The following DMRTB1 variants were observed in gnomAD, a reference collection of about 807,000 sequenced individuals.
DMRTB1 encodes the protein doublesex- and mab-3-related transcription factor B1.
In DMRTB1, 9 loss-of-function variants were observed where a neutral mutation model predicts 25.2. That is an observed-to-expected ratio of 0.36 (90% CI 0.22 to 0.62). DMRTB1 has a LOEUF of 0.62. Among genes scored for constraint, DMRTB1 ranks in the 20% least tolerant of loss-of-function variants. The pLI, the probability that DMRTB1 is intolerant of heterozygous loss-of-function variation, is 0.71. For synonymous variants in DMRTB1, 269 were observed against 238.1 expected (o/e 1.13, Z -1.20); for missense variants, 551 against 499.3 (o/e 1.10, Z -0.99).
Position 53,459,699 on chromosome 1 carries a change from C to G in DMRTB1, c.246C>G (p.Ala82=). 1 of 1,474,164 alleles carries G rather than the reference C, an allele frequency of 6.8e-7. No individual in the cohort carries two copies. Among genetic ancestry groups the G allele is most frequent in the African/African-American group, 1.5e-5 (1 of 68,026 alleles). 91.3% of individuals were successfully genotyped at this position (1,474,164 alleles called of 1,614,324 possible). ...QGPKQASGAA[A]AAPAPVPVPA... ...CCAAGCAGGCCTCCGGGGCTGCGGC[C>G]GCCGCCCCCGCCCCCGTCCCCGTCC... The change falls in exon 1 of 4, where the codon GCC becomes GCG. Residue 82 remains alanine (A), a synonymous_variant. Coordinates refer to ENST00000371445, the MANE Select transcript of DMRTB1 (RefSeq NM_033067.3).
chr1:53,461,083 C>T (rs1644019533), intron 1 of DMRTB1, among the ~76,000 whole-genome samples: 2 of 152,198 alleles, frequency 1.3e-5, no homozygotes, highest in African/African-American at 4.8e-5. Flanking sequence ...AGGACCTTGT[C>T]CTTGTGGGAG....
In DMRTB1 at chr1:53,464,623, T is replaced by C; in HGVS notation, c.751-14T>C. On this transcript the variant is annotated splice_polypyrimidine_tract_variant and intron_variant, in intron 2 of 3. Transcript: ENST00000371445. ...CTCTCTCCTCTCCGCCTCTCTGCTG[T>C]GTGTGCCGTGCAGGTGTCAGAACCA... is the stretch of plus-strand genomic sequence containing the variant. 1 of 1,613,014 alleles carries C rather than the reference T, an allele frequency of 6.2e-7. No individual in the cohort carries two copies.
Position 53,459,717 on chromosome 1 carries a change from C to T in DMRTB1, c.264C>T (p.Val88=), listed in dbSNP as rs748254618. ...CTGCGGCCGCCGCCCCCGCCCCCGTCCCCGTCCCGGCCGCGAGCCTCCGCC... is the reference window on the plus strand; with the variant it reads ...CTGCGGCCGCCGCCCCCGCCCCCGTTCCCGTCCCGGCCGCGAGCCTCCGCC... The part of the protein sequence containing the change: ...SGAAAAAPAP[V]PVPAASLRPL... The change falls in exon 1 of 4, where the codon GTC becomes GTT. Residue 88 remains valine (V), a synonymous_variant. Coordinates refer to ENST00000371445, the MANE Select transcript of DMRTB1 (RefSeq NM_033067.3). 2.9e-5 allele frequency: 40 copies of T among 1,399,744 alleles called. No homozygotes were observed. The highest frequency in any genetic ancestry group is 1.8e-4 in the Admixed American group (5 of 27,138). 86.7% of individuals were successfully genotyped at this position (1,399,744 alleles called of 1,614,324 possible). A position where few individuals can be genotyped will look rare whatever the true frequency, so the allele number is the denominator to read the frequency against.
Position 53,464,816 on chromosome 1 carries a change from C to G in DMRTB1, c.930C>G (p.Thr310=). The part of the protein sequence containing the change: ...PPPPPSSFSL[T]VLFDTDKENT... ...CACCTCCATCATCTTTCTCACTGAC[C>G]GTCCTGTTTGATACTGACAAGGAGA... The change falls in exon 3 of 4, where the codon ACC becomes ACG. Residue 310 remains threonine, a synonymous_variant. Transcript: ENST00000371445. 1 of 1,613,994 alleles carries G rather than the reference C, an allele frequency of 6.2e-7. No individual in the cohort carries two copies. Among genetic ancestry groups the G allele is most frequent in the Non-Finnish European group, 8.5e-7 (1 of 1,180,022 alleles).
rs753403721 is a variant in DMRTB1, at chr1:53,459,965, A to T, written c.512A>T (p.Tyr171Phe). The T allele has an allele frequency of 6.3e-7, 1 of 1,579,974 alleles. No individual in the cohort carries two copies. The highest frequency in any genetic ancestry group is 1.7e-5 in the Admixed American group (1 of 58,912). ...GGGGCGGAGGCCGCAGGCAGTGGCT[A>T]CCCTGGCCCCCTAGACCTGCGCAGG... is the stretch of plus-strand genomic sequence containing the variant. ...PFGAEAAGSG[Y>F]PGPLDLRRPM... Residue 171 changes from tyrosine to phenylalanine, a missense_variant, in exon 1 of 4, where the codon TAC (tyrosine) becomes TTC (phenylalanine). Coordinates refer to ENST00000371445, the MANE Select transcript of DMRTB1 (RefSeq NM_033067.3).
Position 53,459,813 on chromosome 1 carries a change from C to G in DMRTB1, c.360C>G (p.Phe120Leu), listed in dbSNP as rs1644008322. Residue 120 changes from phenylalanine to leucine, a missense_variant, in exon 1 of 4, where the codon TTC (phenylalanine) becomes TTG (leucine). Transcript: ENST00000371445. ...AGGGCCGCGCGGCCGCTTGCTTCTT[C>G]GAGCAGCCCCCGCGGGGCCGGAACC... ...GPEGRAAACF[F>L]EQPPRGRNPG... is the part of the protein sequence containing the mutation. 6.9e-7 allele frequency: 1 copy of G among 1,439,610 alleles called. No homozygotes were observed. Among genetic ancestry groups the G allele is most frequent in the South Asian group, 1.3e-5 (1 of 74,768 alleles). The allele number at this position is 1,439,610 out of a possible 1,614,324, so 89.2% of individuals were successfully genotyped here. A position where few individuals can be genotyped will look rare whatever the true frequency, so the allele number is the denominator to read the frequency against.
In DMRTB1 at chr1:53,459,955, G is replaced by A. The variant is rs1413737926; in HGVS notation, c.502G>A (p.Gly168Ser). The A allele has an allele frequency of 3.2e-6, 5 of 1,575,488 alleles. No homozygotes were observed. The highest frequency in any genetic ancestry group is 3.4e-6 in the Non-Finnish European group (4 of 1,170,218). Reference sequence around the variant, plus strand: ...ACCCCCTTTTGGGGCGGAGGCCGCAGGCAGTGGCTACCCTGGCCCCCTAGA... The same window carrying A: ...ACCCCCTTTTGGGGCGGAGGCCGCAAGCAGTGGCTACCCTGGCCCCCTAGA... ...AGPPFGAEAAGSGYPGPLDLR... is the reference protein window; with the variant it reads ...AGPPFGAEAASSGYPGPLDLR... The change falls in exon 1 of 4, where the codon GGC (glycine) becomes AGC (serine). Residue 168 changes from glycine to serine, a missense_variant. By Grantham distance (56) the Gly-to-Ser change is moderately conservative. Transcript: ENST00000371445.
At chr1:53,461,389 C>T in intron 1 of DMRTB1, 84 bp from the exon 2 acceptor site, 2 of 1,413,046 alleles carry the variant, frequency 1.4e-6, no homozygotes, top group Non-Finnish European at 1.9e-6. Flanking sequence ...GACGGCAGCG[C>T]TGATGACCCC....
At chr1:53,461,751 C>A in intron 2 of DMRTB1, 106 bp downstream of exon 2, 1 of 1,344,686 alleles carries the variant, frequency 7.4e-7, no homozygotes, top group Non-Finnish European at 9.8e-7. Flanking sequence ...ACTGTGCCCA[C>A]GCCATGCCAG....
At position 53,467,317 on chromosome 1, in the gene DMRTB1, T is replaced by C. The variant is rs1473764205; in HGVS notation, c.*655T>C. 2.0e-5 allele frequency: 3 copies of C among 152,740 alleles called. No homozygotes were observed. The highest frequency in any genetic ancestry group is 4.4e-5 in the Non-Finnish European group (3 of 68,148). The allele number at this position is 152,740 out of a possible 1,614,324, so 9.5% of individuals were successfully genotyped here. A position where few individuals can be genotyped will look rare whatever the true frequency, so the allele number is the denominator to read the frequency against. ...TTATGGGCACTGGTTTTAAAAAATT[T>C]ATTAGTTTGACTATTTGATGTTTTT... On this transcript the variant is annotated 3_prime_UTR_variant, in exon 4 of 4. Transcript: ENST00000371445.
intron 2 of DMRTB1, among the ~76,000 whole-genome samples, chr1:53,463,631 T>C (rs1644034790): frequency 1.3e-5 from 2 of 152,184 alleles, no homozygotes; most frequent in Non-Finnish European, 2.9e-5. Context: ...CTAAGGAGAT[T>C]TTTGCAGACT....
chr1:53,462,189 T>A (rs1303729835), intron 2 of DMRTB1, among the ~76,000 whole-genome samples: 1 of 152,190 alleles, frequency 6.6e-6, no homozygotes, highest in Non-Finnish European at 1.5e-5. Context: ...TTTTATAAGA[T>A]TAATAAAGGT....
rs765171732 is a variant in DMRTB1 at position 53,459,433 on chromosome 1, T to C, written c.-21T>C. 6.2e-7 allele frequency: 1 copy of C among 1,612,824 alleles called. No individual in the cohort carries two copies. The highest frequency in any genetic ancestry group is 8.5e-7 in the Non-Finnish European group (1 of 1,179,932). ...GCAGCTCCCAGAGGTGGTGGTTGTG[T>C]TACGAAGGCTGACCCTGCCAATGGC... is the stretch of plus-strand genomic sequence containing the variant. On this transcript the variant is annotated 5_prime_UTR_variant, in exon 1 of 4. Coordinates refer to ENST00000371445, the MANE Select transcript of DMRTB1 (RefSeq NM_033067.3).
At chr1:53,463,655 A>G (rs1340980836) in intron 2 of DMRTB1, among the ~76,000 whole-genome samples, 1 of 152,192 alleles carries the variant, frequency 6.6e-6, no homozygotes, top group Non-Finnish European at 1.5e-5. Flanking sequence ...CCAAGCCTTT[A>G]ATATGCTCAT....
chr1:53,463,440 CCTCA>C (rs1452488986), intron 2 of DMRTB1, among the ~76,000 whole-genome samples: 1 of 152,194 alleles, frequency 6.6e-6, no homozygotes, highest in East Asian at 1.9e-4. Flanking sequence ...CCTCTGAGGA[CCTCA>C]CTCGGGTCTT....
Position 53,459,992 on chromosome 1 carries a change from C to T in DMRTB1, c.539C>T (p.Pro180Leu), listed in dbSNP as rs1644010193. Residue 180 changes from proline (P) to leucine (L), a missense_variant, in exon 1 of 4, where the codon CCG (proline) becomes CTG (leucine). Transcript: ENST00000371445. ...GYPGPLDLRR[P>L]MRTVPGPLFT... is the part of the protein sequence containing the mutation. ...CCTGGCCCCCTAGACCTGCGCAGGC[C>T]GATGCGGACCGTGCCCGGCCCACTG... The T allele has an allele frequency of 2.5e-6, 4 of 1,585,110 alleles. No homozygotes were observed. The highest frequency in any genetic ancestry group is 2.3e-5 in the East Asian group (1 of 43,616).
Position 53,464,686 on chromosome 1 carries a change from C to G in DMRTB1, c.800C>G (p.Pro267Arg). ...DFQPSYYLPP[P>R]PPPLPPLPPL... is the part of the protein sequence containing the mutation. ...CAGCCAAGCTACTACCTGCCGCCGC[C>G]GCCGCCGCCACTGCCGCCCCTTCCA... The change falls in exon 3 of 4, where the codon CCG becomes CGG. Residue 267 changes from proline (P) to arginine (R), a missense_variant. Pro to Arg is a moderately radical substitution (Grantham distance 103). Coordinates refer to ENST00000371445, the MANE Select transcript of DMRTB1 (RefSeq NM_033067.3). 1 of 1,612,828 alleles carries G rather than the reference C, an allele frequency of 6.2e-7. No individual in the cohort carries two copies. The highest frequency in any genetic ancestry group is 1.1e-5 in the South Asian group (1 of 91,056).
At chr1:53,462,473 G>A (rs1370181419) in intron 2 of DMRTB1, among the ~76,000 whole-genome samples, 2 of 152,218 alleles carry the variant, frequency 1.3e-5, no homozygotes, top group African/African-American at 2.4e-5. Flanking sequence ...TCAGCCTGGC[G>A]GCAGCAGCTT....
intron 3 of DMRTB1, among the ~76,000 whole-genome samples, chr1:53,465,055 G>A (rs1174720070): frequency 3.3e-5 from 5 of 152,226 alleles, no homozygotes; most frequent in Non-Finnish European, 7.3e-5. Context: ...TTCCAGGTGA[G>A]GAAACCAGGG....
Sources: gnomAD v4.1 joint callset for allele counts (sites outside exome capture counted in the v4.1 genomes callset) on GRCh38, gnomAD v4.1.1 for gene constraint, MANE v1.5 for transcripts, NCBI Gene and HGNC (gene_info 2026-07-23, HGNC 2026-07-21) for gene names.